The following EHMT1 variants were observed in gnomAD, a reference collection of about 807,000 sequenced individuals.
EHMT1 encodes histone-lysine N-methyltransferase EHMT1.
EHMT1 carries 15 observed loss-of-function variants against 147.2 expected under a neutral mutation model. The observed-to-expected ratio is 0.10, with a 90% CI of 0.07 to 0.16. The LOEUF is 0.16. EHMT1 is among the 10% of genes least tolerant of loss of function. The pLI, the probability that EHMT1 is intolerant of heterozygous loss-of-function variation, is 1.00. For missense variants in EHMT1, 1,587 were observed against 1,772.4 expected, an observed-to-expected ratio of 0.90 and a Z score of 1.88; for synonymous variants, 795 against 709.6, an observed-to-expected ratio of 1.12 and a Z score of -1.91.
chr9:137,711,899 C>T (rs955083067), intron 2 of EHMT1, among the ~76,000 whole-genome samples: 9 of 152,234 alleles, frequency 5.9e-5, no homozygotes, highest in African/African-American at 1.9e-4. Context: ...CTCCAGACAG[C>T]GCGCAAGGCC....
At chr9:137,749,054 T>C (rs778719743) in intron 6 of EHMT1, among the ~76,000 whole-genome samples, 1 of 152,016 alleles carries the variant, frequency 6.6e-6, no homozygotes, top group Admixed American at 6.5e-5. Context: ...GTGTCCAGAG[T>C]TGTGTCCTGC....
At chr9:137,730,867 A>T (rs996353413) in intron 4 of EHMT1, among the ~76,000 whole-genome samples, 1 of 152,208 alleles carries the variant, frequency 6.6e-6, no homozygotes, top group African/African-American at 2.4e-5. Context: ...TAGAAAACAA[A>T]ATCAGTCATT....
chr9:137,828,178 CA>C lies in EHMT1; in HGVS notation c.3541-6170del, dbSNP rs2133032637. Among the ~76,000 whole-genome samples, 1 of 152,236 alleles carries C rather than the reference CA, an allele frequency of 6.6e-6. No homozygotes were observed. The highest frequency in any genetic ancestry group is 2.1e-4 in the South Asian group (1 of 4,828). The stretch of plus-strand genomic sequence containing the variant: ...CTGTGCTGTGACCATCCACAGGCCC[CA>C]GGGGGGTGCTGGCGGGCATCAGGGA... On this transcript the variant is annotated intron_variant, in intron 25 of 26. Transcript: ENST00000460843. This position sits in a 1 kb window ranked among gnomAD's most constrained non-coding sequence, Gnocchi z 5.3.
intron 3 of EHMT1, among the ~76,000 whole-genome samples, chr9:137,722,343 T>C (rs1176589653): frequency 1.3e-5 from 2 of 152,252 alleles, no homozygotes; most frequent in Non-Finnish European, 2.9e-5. Context: ...TAAAGTGTAA[T>C]TGATTACAGC....
At chr9:137,832,213 A>G (rs967142520) in intron 25 of EHMT1, among the ~76,000 whole-genome samples, 15 of 117,200 alleles carry the variant, frequency 1.3e-4, no homozygotes, top group Admixed American at 1.1e-3. Context: ...CACCTCCTAC[A>G]TGGCCTGTGT....
chr9:137,773,370 T>C (rs994477560), intron 10 of EHMT1, among the ~76,000 whole-genome samples: 12 of 152,030 alleles, frequency 7.9e-5, no homozygotes, highest in South Asian at 2.1e-4. Flanking sequence ...TCTACGCCTT[T>C]CAGGTCTTGT....
intron 25 of EHMT1, among the ~76,000 whole-genome samples, chr9:137,823,100 G>GT (rs56014052): frequency 0.66 from 73,645 of 111,074 alleles, 25,298 homozygotes; most frequent in East Asian, 0.88. Flanking sequence ...CTGGCTAATT[G>GT]TTTTTTTTTT....
rs947551002 is a variant in EHMT1 at position 137,642,605 on chromosome 9, T to C, written c.21+23556T>C. Reference sequence around the variant, plus strand: ...AATTTAGTATATTAATTTTTGATAATGTAGTTTGTATTAATACTATATTAC... The same window carrying C: ...AATTTAGTATATTAATTTTTGATAACGTAGTTTGTATTAATACTATATTAC... On this transcript the variant is annotated intron_variant, in intron 1 of 26. Transcript: ENST00000460843. Among the ~76,000 whole-genome samples the C allele has an allele frequency of 3.3e-5, 5 of 152,368 alleles. No individual in the cohort carries two copies. In the South Asian group the frequency reaches 1.0e-3, roughly 32 times the overall value.
chr9:137,706,052 T>C (rs1024911193), intron 1 of EHMT1, among the ~76,000 whole-genome samples: 2 of 30,592 alleles, frequency 6.5e-5, no homozygotes, highest in Non-Finnish European at 1.2e-4. Flanking sequence ...CGTTGGGGGG[T>C]TGGGGGTGGG....
chr9:137,763,244 C>T (rs1397624258), intron 10 of EHMT1: 6 of 357,724 alleles, frequency 1.7e-5, no homozygotes, highest in Non-Finnish European at 3.1e-5. Context: ...CCTCCTTTCA[C>T]CGGGGATCAC....
At chr9:137,736,518 C>T (rs1464931487) in intron 4 of EHMT1, among the ~76,000 whole-genome samples, 1 of 152,268 alleles carries the variant, frequency 6.6e-6, no homozygotes, top group Non-Finnish European at 1.5e-5. Flanking sequence ...CATGTACACT[C>T]TTCTCAAGTG....
intron 21 of EHMT1, among the ~76,000 whole-genome samples, chr9:137,814,072 GCCC>G (rs796380276): frequency 6.5e-5 from 1 of 15,368 alleles, no homozygotes; most frequent in South Asian, 1.1e-3. Context: ...CCCCCCCCCC[GCCC>G]CCCGCCCCAC....
intron 22 of EHMT1, 88 bp downstream of exon 22, chr9:137,814,596 C>T (rs1323283170): frequency 2.7e-6 from 4 of 1,476,260 alleles, no homozygotes; most frequent in African/African-American, 1.4e-5. Context: ...GTGACCCCAG[C>T]GCTGTCGTGG....
intron 18 of EHMT1, chr9:137,802,437 C>T: frequency 2.5e-6 from 1 of 398,604 alleles, no homozygotes; most frequent in African/African-American, 2.1e-5. Flanking sequence ...AATGGGAAGT[C>T]CAGCCACAAA....
intron 3 of EHMT1, 46 bp from the exon 4 acceptor site, chr9:137,728,303 C>T (rs775956049): frequency 6.2e-7 from 1 of 1,612,668 alleles, no homozygotes; most frequent in South Asian, 1.1e-5. Flanking sequence ...ATTTCAGTGA[C>T]CACCTGCTTA....
At chr9:137,811,380 G>A in intron 18 of EHMT1, 81 bp from the exon 19 acceptor site, 1 of 1,593,938 alleles carries the variant, frequency 6.3e-7, no homozygotes, top group South Asian at 1.1e-5. Context: ...CCGGGCACAT[G>A]GGCTGCAGCT....
In EHMT1 at chr9:137,661,105, A is replaced by T. The variant is rs1055785605; in HGVS notation, c.21+42056A>T. Among the ~76,000 whole-genome samples the T allele has an allele frequency of 1.1e-4, 17 of 152,252 alleles. No individual in the cohort carries two copies. The East Asian group carries it at 3.3e-3, about 29-fold the overall frequency. On this transcript the variant is annotated intron_variant, in intron 1 of 26. Transcript: ENST00000460843. ...TTTTGTCTATTTTTATGACTTTTTT[A>T]AATTTTTAGTTTGAAATAATTTTAG...
intron 16 of EHMT1, chr9:137,792,244 G>A (rs1465157649): frequency 2.7e-6 from 1 of 365,738 alleles, no homozygotes; most frequent in East Asian, 7.4e-5. Context: ...AAAATAAAAA[G>A]CCCAGAAATA....
chr9:137,735,859 G>GGTGAT (rs1947488108), intron 4 of EHMT1, among the ~76,000 whole-genome samples: 1 of 152,188 alleles, frequency 6.6e-6, no homozygotes, highest in Non-Finnish European at 1.5e-5. Context: ...GTGATCGCTT[G>GGTGAT]CACATGCCTG....
Sources: gnomAD v4.1 joint callset for allele counts (sites outside exome capture counted in the v4.1 genomes callset) on GRCh38, gnomAD v4.1.1 for gene constraint, Gnocchi (gnomAD v3.1) non-coding constraint, MANE v1.5 for transcripts, NCBI Gene and HGNC (gene_info 2026-07-23, HGNC 2026-07-21) for gene names.